RBFOX1: variants seen among roughly 807,000 people sequenced by gnomAD.
RBFOX1 encodes the protein RNA binding fox-1 homolog 1.
RBFOX1 carries 8 observed loss-of-function variants against 57.7 expected under a neutral mutation model. The ratio of observed to expected loss-of-function variants is 0.14; its 90% CI spans 0.08 to 0.25. RBFOX1 has a LOEUF of 0.25. Ranked by LOEUF, RBFOX1 falls within the 10% of genes least tolerant of loss-of-function variation. The pLI, the probability that RBFOX1 is intolerant of heterozygous loss-of-function variation, is 1.00. For synonymous variants in RBFOX1, 326 were observed against 222.4 expected, an observed-to-expected ratio of 1.47 and a Z score of -4.15; for missense variants, 611 against 548.5, an observed-to-expected ratio of 1.11 and a Z score of -1.14.
intron 1 of RBFOX1, among the ~76,000 whole-genome samples, chr16:6,283,984 G>A (rs79700082): frequency 0.011 from 1,750 of 152,264 alleles, 49 homozygotes; most frequent in African/African-American, 0.04. Context: ...TTCCTTTTTC[G>A]TGTTGATCTT....
intron 4 of RBFOX1, among the ~76,000 whole-genome samples, chr16:7,155,580 G>A (rs538223606): frequency 1.4e-5 from 2 of 146,620 alleles, no homozygotes; most frequent in Non-Finnish European, 3.0e-5. Context: ...TGGGTAACAG[G>A]GTGAGCACTT....
At chr16:7,694,035 A>G (rs1410022551) in intron 14 of RBFOX1, among the ~76,000 whole-genome samples, 1 of 152,126 alleles carries the variant, frequency 6.6e-6, no homozygotes, top group Non-Finnish European at 1.5e-5. Context: ...TTTTTCTTTG[A>G]TGTGGTTCAG....
At chr16:6,435,875 C>A (rs2094219198) in intron 2 of RBFOX1, among the ~76,000 whole-genome samples, 1 of 152,256 alleles carries the variant, frequency 6.6e-6, no homozygotes, top group African/African-American at 2.4e-5. Context: ...TTCCAATGTT[C>A]CATACATTTA....
chr16:7,707,076 C>G lies in RBFOX1; in HGVS notation c.996-1980C>G, dbSNP rs536085087. 6.6e-4 allele frequency among the ~76,000 whole-genome samples: 101 copies of G among 152,298 alleles called. 1 individual carries two copies. The highest frequency in any genetic ancestry group is 2.3e-3 in the African/African-American group (97 of 41,556). On this transcript the variant is annotated intron_variant, in intron 14 of 15. Coordinates refer to ENST00000550418, the MANE Select transcript of RBFOX1 (RefSeq NM_018723.4). The stretch of plus-strand genomic sequence containing the variant: ...ACTGTCAGTTTCACTGACAGATTCA[C>G]CTCAGAAGAGAGGCATCCCTTCAGG...
chr16:5,909,510 C>T (rs550310855), intron 4 of RBFOX1, among the ~76,000 whole-genome samples: 1 of 152,338 alleles, frequency 6.6e-6, no homozygotes, highest in East Asian at 1.9e-4. Flanking sequence ...TTCAGCACCT[C>T]CACCATCAAC....
At chr16:7,283,448 C>T (rs1402250366) in intron 4 of RBFOX1, among the ~76,000 whole-genome samples, 3 of 151,974 alleles carry the variant, frequency 2.0e-5, no homozygotes, top group African/African-American at 4.8e-5. Flanking sequence ...ATGATGGTGC[C>T]TCTTCCGTGG....
At chr16:5,649,677 C>A (rs2049168962) in intron 3 of RBFOX1, among the ~76,000 whole-genome samples, 1 of 152,150 alleles carries the variant, frequency 6.6e-6, no homozygotes, top group African/African-American at 2.4e-5. Context: ...TGGTACTTTA[C>A]AATTAGCAAT....
intron 1 of RBFOX1, among the ~76,000 whole-genome samples, chr16:6,196,555 C>T (rs945206939): frequency 6.6e-6 from 1 of 152,114 alleles, no homozygotes; most frequent in Admixed American, 6.5e-5. Flanking sequence ...CTTAAAAAGC[C>T]AAATCCACCC....
chr16:6,680,760 G>A (rs572684142), intron 3 of RBFOX1, among the ~76,000 whole-genome samples: 51 of 152,124 alleles, frequency 3.4e-4, no homozygotes, highest in South Asian at 1.0e-3. Context: ...TTTGTAAGGC[G>A]GAAAGATGCT....
chr16:7,201,452 CTT>C (rs71147669), intron 4 of RBFOX1, among the ~76,000 whole-genome samples: 39,872 of 146,008 alleles, frequency 0.27, 5,609 homozygotes, highest in Non-Finnish European at 0.32. Context: ...CGATCTGATT[CTT>C]TTTTTTTTTT....
chr16:6,429,967 G>C (rs2094031234), intron 2 of RBFOX1, among the ~76,000 whole-genome samples: 1 of 152,038 alleles, frequency 6.6e-6, no homozygotes, highest in Non-Finnish European at 1.5e-5. Context: ...AATTAGCCAG[G>C]TATGGTGACA....
In RBFOX1 at chr16:7,663,005, A is replaced by G. The variant is rs548010862; in HGVS notation, c.891-1924A>G. ...ACTGCTTTTGGATGAGGATACTAGA[A>G]TAAAGGGCATTGCCAGCACAAGGCA... On this transcript the variant is annotated intron_variant, in intron 12 of 15. Transcript: ENST00000550418. Among the ~76,000 whole-genome samples, 4 of 152,328 alleles carry G rather than the reference A, an allele frequency of 2.6e-5. 1 individual carries two copies. The South Asian group carries it at 8.3e-4, about 32-fold the overall frequency.
chr16:7,103,492 G>T (rs1421719801), intron 4 of RBFOX1, among the ~76,000 whole-genome samples: 1 of 152,142 alleles, frequency 6.6e-6, no homozygotes, highest in Non-Finnish European at 1.5e-5. Context: ...GGTATGAAAA[G>T]ACGTTCACAA....
chr16:6,090,297 C>G (rs945159505), intron 1 of RBFOX1, among the ~76,000 whole-genome samples: 3 of 152,114 alleles, frequency 2.0e-5, no homozygotes. Context: ...CACCTATTCC[C>G]TTAATTCCCT....
intron 4 of RBFOX1, among the ~76,000 whole-genome samples, chr16:7,390,223 C>T (rs2097975470): frequency 6.6e-6 from 1 of 152,142 alleles, no homozygotes; most frequent in South Asian, 2.1e-4. Flanking sequence ...ACCCCTCCTC[C>T]AACACTGAGA....
rs902922680 is a variant in RBFOX1 at position 7,712,907 on chromosome 16, T to A, written c.*2162T>A. The A allele has an allele frequency of 6.6e-6, 1 of 152,218 alleles. No homozygotes were observed. The highest frequency in any genetic ancestry group is 2.4e-5 in the African/African-American group (1 of 41,454). The allele number at this position is 152,218 out of a possible 1,614,324, so 9.4% of individuals were successfully genotyped here. ...TCTTACTGTGTTGGTTAAAGTAAAA[T>A]TCATTTGCAGTTTTGATTTTCATCA... On this transcript the variant is annotated 3_prime_UTR_variant, in exon 16 of 16. Transcript: ENST00000550418.
At chr16:6,333,941 C>A (rs1160329756) in intron 2 of RBFOX1, among the ~76,000 whole-genome samples, 1 of 152,072 alleles carries the variant, frequency 6.6e-6, no homozygotes, top group African/African-American at 2.4e-5. Context: ...ATTTAGTACC[C>A]CGAGGGCCAA....
chr16:7,058,287 A>G (rs1329855041), intron 4 of RBFOX1, among the ~76,000 whole-genome samples: 1 of 152,170 alleles, frequency 6.6e-6, no homozygotes, highest in African/African-American at 2.4e-5. Flanking sequence ...TTTAAACTAA[A>G]GTATCTTTAG....
intron 4 of RBFOX1, among the ~76,000 whole-genome samples, chr16:5,990,447 C>G (rs1306535829): frequency 6.6e-6 from 1 of 152,176 alleles, no homozygotes; most frequent in Non-Finnish European, 1.5e-5. Context: ...TTCGAGGATC[C>G]CCAGCCTCTA....
Sources: allele counts gnomAD v4.1 joint callset (sites outside exome capture counted in the v4.1 genomes callset), GRCh38; gene constraint gnomAD v4.1.1; transcripts MANE v1.5; gene names NCBI Gene and HGNC (gene_info 2026-07-23, HGNC 2026-07-21).